Variants in FAN1 observed in about 807,000 individuals in gnomAD.
FAN1 encodes the protein FANCD2 and FANCI associated nuclease 1, also known as fanconi-associated nuclease 1.
Under a neutral mutation model 104.9 loss-of-function variants are expected in FAN1, and 91 were observed. The ratio of observed to expected loss-of-function variants is 0.87; its 90% confidence interval spans 0.73 to 1.03. FAN1 has a LOEUF of 1.03. Ranked by LOEUF, FAN1 falls within the 50% of genes least tolerant of loss-of-function variation. FAN1 has a pLI of 0.00. For synonymous variants in FAN1, 478 were observed against 457.6 expected (o/e 1.04, Z -0.57); for missense variants, 1,263 against 1,239.9 (o/e 1.02, Z -0.28).
intron 10 of FAN1, chr15:30,927,250 T>C (rs1201238208): frequency 6.4e-5 from 63 of 985,518 alleles, no homozygotes; most frequent in Non-Finnish European, 7.6e-5. Context: ...ATCTGGCCTT[T>C]ATATTCCTGC....
chr15:30,934,072 A>G (rs1397801416), intron 13 of FAN1, among the ~76,000 whole-genome samples: 1 of 151,940 alleles, frequency 6.6e-6, no homozygotes, highest in Non-Finnish European at 1.5e-5. Flanking sequence ...TTCTATCACT[A>G]TTTGCTTCAT....
intron 8 of FAN1, among the ~76,000 whole-genome samples, chr15:30,923,833 C>G (rs756369902): frequency 1.3e-5 from 2 of 152,118 alleles, no homozygotes; most frequent in Non-Finnish European, 2.9e-5. Flanking sequence ...TTTTATGTTT[C>G]TATTGTGGTA....
intron 2 of FAN1, among the ~76,000 whole-genome samples, chr15:30,907,344 C>G (rs1181841642): frequency 6.6e-6 from 1 of 151,864 alleles, no homozygotes; most frequent in Admixed American, 6.6e-5. Flanking sequence ...ATGGTGAAAC[C>G]CCGTCTCTAC....
intron 7 of FAN1, among the ~76,000 whole-genome samples, chr15:30,921,178 G>A (rs1294508641): frequency 6.6e-6 from 1 of 152,196 alleles, no homozygotes; most frequent in Non-Finnish European, 1.5e-5. Flanking sequence ...AAGATGGACA[G>A]CTGTTCTGTT....
Position 30,942,188 on chromosome 15 carries a change from G to GT in FAN1, c.*626_*627insT, listed in dbSNP as rs1222315853. On this transcript the variant is annotated 3_prime_UTR_variant, in exon 15 of 15. Transcript: ENST00000362065. ...AAATTAATGGAATTTCAGCCTCAAAGAACATTTTCCTCCCTTCCTTTGTGT... is the reference window on the plus strand; with the variant it reads ...AAATTAATGGAATTTCAGCCTCAAAGTAACATTTTCCTCCCTTCCTTTGTGT... 1.6e-6 allele frequency: 2 copies of GT among 1,282,576 alleles called. No individual in the cohort carries two copies. The highest frequency in any genetic ancestry group is 4.6e-5 in the East Asian group (2 of 43,124). The allele number at this position is 1,282,576 out of a possible 1,614,324, so 79.4% of individuals were successfully genotyped here.
intron 6 of FAN1, among the ~76,000 whole-genome samples, 172 bp from the exon 7 acceptor site, chr15:30,920,373 G>T (rs1438763767): frequency 6.6e-6 from 1 of 152,218 alleles, no homozygotes; most frequent in Non-Finnish European, 1.5e-5. Flanking sequence ...CTAGGACGTG[G>T]TAGCTGGCTG....
At chr15:30,910,113 C>T (rs1337640804) in intron 3 of FAN1, among the ~76,000 whole-genome samples, 1 of 152,234 alleles carries the variant, frequency 6.6e-6, no homozygotes, top group South Asian at 2.1e-4. Flanking sequence ...GCCTTGAAGG[C>T]AAAGACCAGC....
At chr15:30,921,133 C>T (rs896181353) in intron 7 of FAN1, among the ~76,000 whole-genome samples, 12 of 152,078 alleles carry the variant, frequency 7.9e-5, no homozygotes, top group Non-Finnish European at 1.8e-4. Flanking sequence ...GTAGGCAGCC[C>T]GCTGTCTCTT....
chr15:30,918,143 T>G (rs978908977), intron 5 of FAN1, 21 bp from the exon 6 acceptor site: 1 of 1,613,398 alleles, frequency 6.2e-7, no homozygotes, highest in Non-Finnish European at 8.5e-7. Context: ...TATTTGGAAC[T>G]TGGATGGCAT....
In FAN1 at chr15:30,905,524, G is replaced by C; in HGVS notation, c.861G>C (p.Glu287Asp). The change falls in exon 2 of 15, where the codon GAG becomes GAC. Residue 287 changes from glutamate to aspartate, a missense_variant. Physicochemically the swap from Glu to Asp is conservative, Grantham distance 45. Coordinates refer to ENST00000362065, the MANE Select transcript of FAN1 (RefSeq NM_014967.5). Reference sequence around the variant, plus strand: ...CAGAAGACAGTCTTGTAAAGCAAGAGTGTATCAAAGAAGTGGTTGAAAAAC... The same window carrying C: ...CAGAAGACAGTCTTGTAAAGCAAGACTGTATCAAAGAAGTGGTTGAAAAAC... ...STSEDSLVKQ[E>D]CIKEVVEKRE... The C allele has an allele frequency of 6.2e-7, 1 of 1,614,030 alleles. No individual in the cohort carries two copies. The highest frequency in any genetic ancestry group is 1.1e-5 in the South Asian group (1 of 91,084).
chr15:30,928,621 G>A lies in FAN1; in HGVS notation c.2557G>A (p.Asp853Asn). 6.2e-7 allele frequency: 1 copy of A among 1,612,974 alleles called. No individual in the cohort carries two copies. The highest frequency in any genetic ancestry group is 8.5e-7 in the Non-Finnish European group (1 of 1,179,766). The change falls in exon 11 of 15, where the codon GAT (aspartate) becomes AAT (asparagine). Residue 853 changes from aspartate to asparagine, a missense_variant. By Grantham distance (23) the Asp-to-Asn change is conservative. Coordinates refer to ENST00000362065, the MANE Select transcript of FAN1 (RefSeq NM_014967.5). Reference protein sequence around the residue: ...GLLLWDIIFMDGIPDVFRNAC... With the variant: ...GLLLWDIIFMNGIPDVFRNAC... ...CCTCCTGTGGGACATCATCTTCATG[G>A]ATGGGATTCCGGATGTCTTCAGAAA...
At chr15:30,927,134 A>T in intron 10 of FAN1, 1 of 892,270 alleles carries the variant, frequency 1.1e-6, no homozygotes, top group Non-Finnish European at 1.3e-6. Context: ...TCTTGACCCC[A>T]GGAGGTCAAG....
chr15:30,914,800 T>G (rs1439682841), intron 5 of FAN1, among the ~76,000 whole-genome samples: 1 of 152,236 alleles, frequency 6.6e-6, no homozygotes, highest in Non-Finnish European at 1.5e-5. Context: ...ATATTGTATA[T>G]CATACATATG....
In FAN1 at chr15:30,905,581, G is replaced by A. The variant is rs1229653696; in HGVS notation, c.918G>A (p.Met306Ile). Residue 306 changes from methionine to isoleucine, a missense_variant, in exon 2 of 15, where the codon ATG becomes ATA. By Grantham distance (10) the Met-to-Ile change is conservative (BLOSUM62 1). Around this residue, in one of 2 missense-constraint regions of FAN1, gnomAD observed 682 missense variants for 571.1 expected, o/e 1.19. Transcript: ENST00000362065. ...CATGTCATTGTGAAGAAGTAAAAAT[G>A]ACTGTTGCTTCAGAAGCTAAAATAC... is the stretch of plus-strand genomic sequence containing the variant. The part of the protein sequence containing the change: ...REACHCEEVK[M>I]TVASEAKIQL... 2 of 1,613,928 alleles carry A rather than the reference G, an allele frequency of 1.2e-6. No individual in the cohort carries two copies. The highest frequency in any genetic ancestry group is 1.7e-6 in the Non-Finnish European group (2 of 1,179,918).
intron 13 of FAN1, among the ~76,000 whole-genome samples, chr15:30,935,979 C>T (rs866432282): frequency 1.3e-5 from 2 of 152,024 alleles, no homozygotes; most frequent in Non-Finnish European, 2.9e-5. Flanking sequence ...TTACTGTTTT[C>T]ATCAAATTTG....
At chr15:30,937,300 T>G in intron 14 of FAN1, 41 bp downstream of exon 14, 1 of 1,554,044 alleles carries the variant, frequency 6.4e-7, no homozygotes, top group African/African-American at 1.4e-5. Context: ...TAATGTAAGA[T>G]TTTCAAGAGT....
chr15:30,929,856 A>T (rs1200857823), intron 12 of FAN1, among the ~76,000 whole-genome samples: 1 of 73,710 alleles, frequency 1.4e-5, no homozygotes, highest in African/African-American at 7.1e-5. Context: ...AATATATATC[A>T]TATATAATAT....
chr15:30,913,003 T>C (rs1244577064), intron 4 of FAN1, among the ~76,000 whole-genome samples: 1 of 152,186 alleles, frequency 6.6e-6, no homozygotes, highest in Non-Finnish European at 1.5e-5. Flanking sequence ...TCCAATGTTA[T>C]CCTAGAATAG....
rs2140895653 is a variant in FAN1 at position 30,904,991 on chromosome 15, AC to A, written c.332del (p.Pro111LeufsTer11). ...GTCACCACCACCAAAGACAAATTTAACCCCTGGCCAAAGTGATTCAGCAAAA... is the reference window on the plus strand; with the variant it reads ...GTCACCACCACCAAAGACAAATTTAACCCTGGCCAAAGTGATTCAGCAAAA... Reference protein sequence around the residue: ...KKSPPPKTNLTPGQSDSAKRE... With the variant: ...KKSPPPKTNLXPGQSDSAKRE... On this transcript the variant is annotated frameshift_variant, in exon 2 of 15. Transcript: ENST00000362065. LOFTEE classifies it high-confidence loss of function. 7 of 1,614,092 alleles carry A rather than the reference AC, an allele frequency of 4.3e-6. No individual in the cohort carries two copies. The highest frequency in any genetic ancestry group is 4.2e-6 in the Non-Finnish European group (5 of 1,180,030).
Sources: allele counts gnomAD v4.1 joint callset (sites outside exome capture counted in the v4.1 genomes callset), GRCh38; gene constraint gnomAD v4.1.1; regional missense constraint gnomAD v4.1.1; transcripts MANE v1.5; gene names NCBI Gene and HGNC (gene_info 2026-07-23, HGNC 2026-07-21).